The following FRMD4A variants were observed in gnomAD, a reference collection of about 807,000 sequenced individuals.
FRMD4A encodes the protein FERM domain-containing protein 4A.
A neutral mutation model predicts 129.1 loss-of-function variants in FRMD4A; 29 were observed. That is an observed-to-expected ratio of 0.22 (90% CI 0.17 to 0.31). FRMD4A has a LOEUF of 0.31. FRMD4A is among the 10% of genes least tolerant of loss of function. FRMD4A has a pLI of 1.00. For synonymous variants in FRMD4A, 634 were observed against 571.6 expected, an observed-to-expected ratio of 1.11 and a Z score of -1.56; for missense variants, 1,272 against 1,375.8, an observed-to-expected ratio of 0.92 and a Z score of 1.19.
chr10:13,859,913 G>A (rs1245906084), intron 2 of FRMD4A, among the ~76,000 whole-genome samples: 3 of 152,116 alleles, frequency 2.0e-5, no homozygotes, highest in Non-Finnish European at 4.4e-5. Flanking sequence ...TGCTTACAAG[G>A]GGCTGCAGGA....
intron 2 of FRMD4A, among the ~76,000 whole-genome samples, chr10:14,152,181 G>C (rs1048214326): frequency 2.4e-5 from 3 of 127,466 alleles, no homozygotes; most frequent in African/African-American, 8.8e-5. Flanking sequence ...AGGCTGGAGT[G>C]CAGTGGCATG....
At chr10:13,745,112 A>T (rs1052841397) in intron 9 of FRMD4A, among the ~76,000 whole-genome samples, 1 of 152,228 alleles carries the variant, frequency 6.6e-6, no homozygotes, top group Non-Finnish European at 1.5e-5. Context: ...GAGGTGATGG[A>T]TATCCCAGTT....
At chr10:13,938,111 C>G (rs2095262787) in intron 2 of FRMD4A, among the ~76,000 whole-genome samples, 1 of 152,198 alleles carries the variant, frequency 6.6e-6, no homozygotes, top group Non-Finnish European at 1.5e-5. Context: ...AGATAATCTT[C>G]TAATTTTTAA....
At chr10:14,154,375 C>T (rs775234443) in intron 2 of FRMD4A, among the ~76,000 whole-genome samples, 8 of 152,102 alleles carry the variant, frequency 5.3e-5, no homozygotes, top group Non-Finnish European at 8.8e-5. Context: ...TTAAATGCTC[C>T]AGCTGGGTCT....
intron 2 of FRMD4A, among the ~76,000 whole-genome samples, chr10:13,878,823 G>GGAAGGAAGGAAGGAAGGAAA (rs2094517282): frequency 6.7e-3 from 1 of 150 alleles, no homozygotes. Context: ...AGGGAGGGAG[G>GGAAGGAAGGAAGGAAGGAAA]GAAGGAAGGA....
intron 2 of FRMD4A, among the ~76,000 whole-genome samples, chr10:14,227,398 T>G (rs1843481359): frequency 6.6e-6 from 1 of 151,668 alleles, no homozygotes; most frequent in African/African-American, 2.4e-5. Context: ...ATTACAGACA[T>G]GTACCACTAA....
intron 2 of FRMD4A, among the ~76,000 whole-genome samples, chr10:13,989,249 C>T (rs1042826602): frequency 6.6e-6 from 1 of 152,180 alleles, no homozygotes; most frequent in Non-Finnish European, 1.5e-5. Flanking sequence ...GATTATGTTG[C>T]ACCCTAACAC....
intron 8 of FRMD4A, among the ~76,000 whole-genome samples, chr10:13,753,906 C>T (rs914029309): frequency 2.2e-4 from 34 of 152,140 alleles, no homozygotes; most frequent in Admixed American, 7.2e-4. Context: ...CCTTGATTAC[C>T]GAGTCTCGTT....
chr10:14,310,707 C>T (rs1218412), intron 2 of FRMD4A, among the ~76,000 whole-genome samples: 6,731 of 152,196 alleles, frequency 0.044, 491 homozygotes, highest in African/African-American at 0.15. Context: ...ACACCTAGCC[C>T]GAACCAGTTT....
intron 2 of FRMD4A, among the ~76,000 whole-genome samples, chr10:14,207,523 A>C (rs1036714931): frequency 7.2e-5 from 11 of 152,188 alleles, no homozygotes; most frequent in African/African-American, 2.7e-4. Flanking sequence ...TGTGACTTTA[A>C]CACAGGCCCC....
intron 2 of FRMD4A, among the ~76,000 whole-genome samples, chr10:14,328,233 G>A (rs767525136): frequency 5.9e-5 from 9 of 152,022 alleles, no homozygotes; most frequent in Non-Finnish European, 8.8e-5. Context: ...CGGGCAGGAG[G>A]AGAGTGCCAG....
chr10:14,048,959 T>C (rs1834127996), intron 2 of FRMD4A, among the ~76,000 whole-genome samples: 1 of 152,184 alleles, frequency 6.6e-6, no homozygotes, highest in Non-Finnish European at 1.5e-5. Context: ...AAGTGTCTTA[T>C]TGGCAAAATG....
At chr10:14,330,352 T>G (rs1286717439) in intron 1 of FRMD4A, among the ~76,000 whole-genome samples, 169 bp from the exon 2 acceptor site, 3 of 150,830 alleles carry the variant, frequency 2.0e-5, no homozygotes, top group African/African-American at 7.3e-5. Flanking sequence ...GCAGGTTATT[T>G]AAAAGTGAGC....
intron 2 of FRMD4A, among the ~76,000 whole-genome samples, chr10:14,095,594 C>G (rs763890465): frequency 6.6e-6 from 1 of 152,244 alleles, no homozygotes; most frequent in African/African-American, 2.4e-5. Context: ...TCAACCTTAG[C>G]ACTTTGCAGC....
intron 3 of FRMD4A, among the ~76,000 whole-genome samples, chr10:13,814,266 C>T (rs1360087976): frequency 6.6e-6 from 1 of 152,136 alleles, no homozygotes; most frequent in Admixed American, 6.5e-5. Flanking sequence ...AACTTGAAAA[C>T]AATAAAAATA....
At chr10:13,697,663 C>T (rs2086360354) in intron 14 of FRMD4A, among the ~76,000 whole-genome samples, 1 of 151,978 alleles carries the variant, frequency 6.6e-6, no homozygotes, top group South Asian at 2.1e-4. Flanking sequence ...GGGAACAAAG[C>T]TTCAATGTCC....
rs549982756 is a variant in FRMD4A, at chr10:14,316,035, T to C, written c.45+14023A>G. Among the ~76,000 whole-genome samples, 17 of 152,368 alleles carry C rather than the reference T, an allele frequency of 1.1e-4. No individual in the cohort carries two copies. In the South Asian group the frequency reaches 3.1e-3, roughly 28 times the overall value. On this transcript the variant is annotated intron_variant, in intron 2 of 24. Coordinates refer to ENST00000357447, the MANE Select transcript of FRMD4A (RefSeq NM_018027.5). ...AGTCATAGACACTGTTGATTGCCTA[T>C]GCAGCAACCACATCCACCTTCTTTT...
intron 2 of FRMD4A, among the ~76,000 whole-genome samples, chr10:13,954,990 C>G (rs954381178): frequency 5.9e-5 from 9 of 151,990 alleles, no homozygotes; most frequent in Non-Finnish European, 1.3e-4. Context: ...GCCATGGACA[C>G]AATTTTCTTT....
chr10:14,328,347 A>G (rs1344216826), intron 2 of FRMD4A, among the ~76,000 whole-genome samples: 2 of 103,218 alleles, frequency 1.9e-5, no homozygotes, highest in African/African-American at 8.7e-5. Context: ...CAGGACCAGA[A>G]GAGCCTGTGT....
Sources: gnomAD v4.1 joint callset for allele counts (sites outside exome capture counted in the v4.1 genomes callset) on GRCh38, gnomAD v4.1.1 for gene constraint, MANE v1.5 for transcripts, NCBI Gene and HGNC (gene_info 2026-07-23, HGNC 2026-07-21) for gene names.